Variants in DDR2 observed in about 807,000 individuals in gnomAD.
DDR2 encodes the protein discoidin domain-containing receptor 2.
Under a neutral mutation model 94.9 loss-of-function variants are expected in DDR2, and 27 were observed. The observed-to-expected ratio is 0.28, with a 90% confidence interval of 0.21 to 0.39. The LOEUF is 0.39. Among genes scored for constraint, DDR2 ranks in the 10% least tolerant of loss-of-function variants. The probability of loss-of-function intolerance (pLI) is 1.00; values close to 1 mark genes in which losing one functional copy is unlikely to be tolerated. For synonymous variants in DDR2, 382 were observed against 377.2 expected (o/e 1.01, Z -0.15); for missense variants, 783 against 1,076.0 (o/e 0.73, Z 3.81).
intron 9 of DDR2, among the ~76,000 whole-genome samples, chr1:162,765,216 G>A (rs1663932110): frequency 6.6e-6 from 1 of 152,108 alleles, no homozygotes; most frequent in South Asian, 2.1e-4. Context: ...GGTCTCTTGA[G>A]CTTTAAATCC....
Position 162,776,338 on chromosome 1 carries a change from A to G in DDR2, c.2251A>G (p.Ile751Val). Residue 751 changes from isoleucine to valine, a missense_variant, in exon 16 of 18, where the codon ATC becomes GTC. By Grantham distance (29) the Ile-to-Val change is conservative. Transcript: ENST00000367921. ...YRIQGRAVLP[I>V]RWMSWESILL... ...GATCCAGGGCCGGGCAGTGCTCCCT[A>G]TCCGCTGGATGTCTTGGGAGAGTAT... The G allele has an allele frequency of 1.9e-6, 3 of 1,614,068 alleles. No individual in the cohort carries two copies. The highest frequency in any genetic ancestry group is 2.5e-6 in the Non-Finnish European group (3 of 1,179,958).
At chr1:162,636,634 G>A (rs958597864) in intron 1 of DDR2, among the ~76,000 whole-genome samples, 13 of 152,106 alleles carry the variant, frequency 8.5e-5, no homozygotes, top group Admixed American at 7.2e-4. Context: ...CTAGGGTTTC[G>A]ACCTCAGAGG....
At chr1:162,752,522 C>T (rs539810809) in intron 3 of DDR2, among the ~76,000 whole-genome samples, 7 of 152,208 alleles carry the variant, frequency 4.6e-5, no homozygotes, top group Non-Finnish European at 7.4e-5. Flanking sequence ...TCTGTTACTC[C>T]GTCTTTGGTT....
chr1:162,633,018 A>G (rs1452860765), intron 1 of DDR2, among the ~76,000 whole-genome samples: 1 of 152,206 alleles, frequency 6.6e-6, no homozygotes, highest in African/African-American at 2.4e-5. Context: ...GTTTTTAGAC[A>G]TTTAGTAGTG....
chr1:162,681,601 T>C (rs1347610364), intron 2 of DDR2, among the ~76,000 whole-genome samples: 1 of 152,088 alleles, frequency 6.6e-6, no homozygotes, highest in Non-Finnish European at 1.5e-5. Flanking sequence ...TGCCAGCAGA[T>C]TTGGTGTCTG....
chr1:162,715,358 A>T (rs1661119541), intron 2 of DDR2, among the ~76,000 whole-genome samples: 1 of 152,208 alleles, frequency 6.6e-6, no homozygotes, highest in East Asian at 1.9e-4. Context: ...AGAGCATGTA[A>T]CAATCAAGGG....
intron 1 of DDR2, among the ~76,000 whole-genome samples, chr1:162,653,397 C>T (rs946097359): frequency 6.6e-5 from 10 of 151,862 alleles, no homozygotes; most frequent in Non-Finnish European, 8.8e-5. Context: ...GGCAACATGT[C>T]GAAACCCTGT....
intron 3 of DDR2, chr1:162,741,523 A>G: frequency 8.7e-6 from 8 of 921,198 alleles, no homozygotes; most frequent in Non-Finnish European, 7.8e-6. Flanking sequence ...GCAAGGGTAA[A>G]GCAAAGATAA....
chr1:162,738,117 CAGG>C (rs1236462336), intron 3 of DDR2, among the ~76,000 whole-genome samples: 2 of 144,802 alleles, frequency 1.4e-5, no homozygotes, highest in East Asian at 4.1e-4. Context: ...GGCAATCAGG[CAGG>C]AGAAGGAAAT....
chr1:162,657,906 C>A (rs1011491320), intron 2 of DDR2, among the ~76,000 whole-genome samples: 2 of 152,078 alleles, frequency 1.3e-5, no homozygotes, highest in East Asian at 3.9e-4. Context: ...AACGCCCCCA[C>A]CTCGGCTCCC....
chr1:162,746,420 G>T (rs1460620741), intron 3 of DDR2, among the ~76,000 whole-genome samples: 1 of 152,342 alleles, frequency 6.6e-6, no homozygotes, highest in South Asian at 2.1e-4. Context: ...GAGGCTGGGG[G>T]AGGGGCCTCT....
At chr1:162,763,625 G>A (rs1295525493) in intron 9 of DDR2, among the ~76,000 whole-genome samples, 6 of 152,026 alleles carry the variant, frequency 3.9e-5, no homozygotes, top group South Asian at 4.1e-4. Context: ...AGCACCCGAC[G>A]TGGAATCAAC....
chr1:162,768,589 C>T (rs953261007), intron 11 of DDR2, among the ~76,000 whole-genome samples: 4 of 152,268 alleles, frequency 2.6e-5, no homozygotes, highest in African/African-American at 7.2e-5. Context: ...TTTCTAGATG[C>T]AGGATGGGAG....
chr1:162,642,211 C>T (rs1657169147), intron 1 of DDR2, among the ~76,000 whole-genome samples: 1 of 152,134 alleles, frequency 6.6e-6, no homozygotes, highest in African/African-American at 2.4e-5. Context: ...CCCGCCATGG[C>T]TTCCCAAAGT....
intron 2 of DDR2, among the ~76,000 whole-genome samples, chr1:162,666,890 A>G (rs1156519936): frequency 6.7e-6 from 1 of 149,742 alleles, no homozygotes; most frequent in African/African-American, 2.4e-5. Context: ...AGTTTCATAT[A>G]TATATATTTT....
chr1:162,636,195 C>A (rs1474063410), intron 1 of DDR2, among the ~76,000 whole-genome samples: 1 of 152,160 alleles, frequency 6.6e-6, no homozygotes, highest in Non-Finnish European at 1.5e-5. Flanking sequence ...ATTTTATAAA[C>A]CCCAGCATTT....
At chr1:162,644,871 C>T (rs1228130559) in intron 1 of DDR2, among the ~76,000 whole-genome samples, 1 of 152,198 alleles carries the variant, frequency 6.6e-6, no homozygotes, top group Non-Finnish European at 1.5e-5. Flanking sequence ...GCTGGGATTA[C>T]AGGCATGAGT....
intron 2 of DDR2, among the ~76,000 whole-genome samples, chr1:162,675,391 G>A (rs1336883635): frequency 6.6e-6 from 1 of 152,190 alleles, no homozygotes; most frequent in Non-Finnish European, 1.5e-5. Context: ...TCAATTCTGT[G>A]AGGGGACGAT....
chr1:162,649,381 C>G (rs967721210), intron 1 of DDR2, among the ~76,000 whole-genome samples: 2 of 152,094 alleles, frequency 1.3e-5, no homozygotes, highest in Non-Finnish European at 2.9e-5. Flanking sequence ...AAGTTTGTCT[C>G]TTGCACTAGA....
Sources: allele counts gnomAD v4.1 joint callset (sites outside exome capture counted in the v4.1 genomes callset), GRCh38; gene constraint gnomAD v4.1.1; transcripts MANE v1.5; gene names NCBI Gene and HGNC (gene_info 2026-07-23, HGNC 2026-07-21).